SLC17A8: variants seen among roughly 807,000 people sequenced by gnomAD.
SLC17A8 encodes the protein solute carrier family 17 member 8.
SLC17A8 carries 31 observed loss-of-function variants against 58.0 expected under a neutral mutation model. That is an observed-to-expected ratio of 0.53 (90% CI 0.40 to 0.72). The LOEUF (loss-of-function observed/expected upper bound fraction) is 0.72, where lower values mean the gene tolerates loss of function less well. Among genes scored for constraint, SLC17A8 ranks in the 30% least tolerant of loss-of-function variants. The pLI, the probability that SLC17A8 is intolerant of heterozygous loss-of-function variation, is 0.00. For synonymous variants in SLC17A8, 228 were observed against 249.0 expected (o/e 0.92, Z 0.79); for missense variants, 655 against 727.8 (o/e 0.90, Z 1.15).
At chr12:100,371,732 T>C (rs1335591958) in intron 1 of SLC17A8, among the ~76,000 whole-genome samples, 1 of 152,092 alleles carries the variant, frequency 6.6e-6, no homozygotes, top group East Asian at 1.9e-4. Context: ...GTATTTTTAG[T>C]AGAGATGGGT....
intron 3 of SLC17A8, 125 bp downstream of exon 3, chr12:100,391,244 A>G (rs1952714050): frequency 1.4e-6 from 1 of 725,846 alleles, no homozygotes. Flanking sequence ...GGATAGATGC[A>G]ATTCACAGAT....
At chr12:100,381,568 C>CAGAG (rs112159680) in intron 2 of SLC17A8, among the ~76,000 whole-genome samples, 5,355 of 148,386 alleles carry the variant, frequency 0.036, 238 homozygotes, top group African/African-American at 0.1. Context: ...AAGAAAGAGA[C>CAGAG]AGAGAGAGAG....
chr12:100,401,925 G>A, intron 6 of SLC17A8, 62 bp downstream of exon 6: 2 of 1,329,190 alleles, frequency 1.5e-6, no homozygotes, highest in Non-Finnish European at 2.2e-6. Flanking sequence ...TACTGCATAT[G>A]GGTTTGGCTC....
At chr12:100,404,243 TAAG>T (rs2136007396) in intron 9 of SLC17A8, 73 bp downstream of exon 9, 1 of 1,586,002 alleles carries the variant, frequency 6.3e-7, no homozygotes, top group Non-Finnish European at 8.6e-7. Flanking sequence ...GAGCATATAT[TAAG>T]AAGTGACATT....
At chr12:100,397,011 T>C (rs1260307755) in intron 5 of SLC17A8, among the ~76,000 whole-genome samples, 1 of 152,160 alleles carries the variant, frequency 6.6e-6, no homozygotes, top group Non-Finnish European at 1.5e-5. Context: ...ACAAAAGCTT[T>C]CCCAAAGCCC....
intron 1 of SLC17A8, among the ~76,000 whole-genome samples, chr12:100,378,213 A>T (rs1459650445): frequency 6.6e-6 from 1 of 152,206 alleles, no homozygotes; most frequent in Non-Finnish European, 1.5e-5. Flanking sequence ...TAAGAGATAA[A>T]ACAGAAGAAT....
At chr12:100,359,308 T>C (rs1952468388) in intron 1 of SLC17A8, among the ~76,000 whole-genome samples, 1 of 152,160 alleles carries the variant, frequency 6.6e-6, no homozygotes, top group Non-Finnish European at 1.5e-5. Context: ...CTTTTTTCAA[T>C]AGGAATTATT....
At chr12:100,375,443 A>G (rs770950134) in intron 1 of SLC17A8, among the ~76,000 whole-genome samples, 3 of 152,198 alleles carry the variant, frequency 2.0e-5, no homozygotes, top group South Asian at 2.1e-4. Flanking sequence ...TGGCCAGTGC[A>G]GAGTCCTAGA....
At chr12:100,408,090 A>G (rs1455184895) in intron 9 of SLC17A8, among the ~76,000 whole-genome samples, 1 of 152,228 alleles carries the variant, frequency 6.6e-6, no homozygotes, top group Non-Finnish European at 1.5e-5. Context: ...ATGATGAAGC[A>G]CTGGTATGAT....
chr12:100,361,377 G>A (rs765945815), intron 1 of SLC17A8, among the ~76,000 whole-genome samples: 5 of 152,166 alleles, frequency 3.3e-5, no homozygotes, highest in Non-Finnish European at 5.9e-5. Flanking sequence ...CCCGGCTTTC[G>A]CCCTGTTTCT....
chr12:100,401,756 C>A, intron 5 of SLC17A8, 21 bp from the exon 6 acceptor site: 2 of 1,596,900 alleles, frequency 1.3e-6, no homozygotes, highest in South Asian at 1.1e-5. Flanking sequence ...GTCAGATTCC[C>A]TCAATCTTTT....
At position 100,366,293 on chromosome 12, in the gene SLC17A8, G is replaced by A. The variant is rs117834168; in HGVS notation, c.101+8801G>A. 3.5e-3 allele frequency among the ~76,000 whole-genome samples: 527 copies of A among 152,160 alleles called. 2 individuals are homozygous for A. Among genetic ancestry groups the A allele is most frequent in the Non-Finnish European group, 6.2e-3 (422 of 67,996 alleles). ...TACAAGTCAAGGAACCACGGAAAGCGTTTTCCAAATGCTAGGTGTCTCTCT... is the reference window on the plus strand; with the variant it reads ...TACAAGTCAAGGAACCACGGAAAGCATTTTCCAAATGCTAGGTGTCTCTCT... On this transcript the variant is annotated intron_variant, in intron 1 of 11. Transcript: ENST00000323346.
intron 1 of SLC17A8, among the ~76,000 whole-genome samples, chr12:100,375,350 CTACCTGT>C (rs754897861): frequency 3.3e-5 from 5 of 152,108 alleles, no homozygotes; most frequent in Non-Finnish European, 7.4e-5. Context: ...ATTCAAACTG[CTACCTGT>C]GTAGGAGAGA....
chr12:100,398,988 T>G (rs983028954), intron 5 of SLC17A8, among the ~76,000 whole-genome samples: 2 of 152,200 alleles, frequency 1.3e-5, no homozygotes, highest in African/African-American at 4.8e-5. Context: ...CGTGGAACTG[T>G]GAGTCCAATT....
intron 1 of SLC17A8, among the ~76,000 whole-genome samples, chr12:100,373,577 CTTTTTTTTTT>C (rs11296057): frequency 1.3e-3 from 113 of 87,634 alleles, no homozygotes; most frequent in African/African-American, 4.5e-3. Context: ...AAATCAGTGA[CTTTTTTTTTT>C]TTTTTTTTTT....
In SLC17A8 at chr12:100,393,419, C is replaced by T. The variant is rs780807776; in HGVS notation, c.524C>T (p.Pro175Leu). 1 of 1,613,838 alleles carries T rather than the reference C, an allele frequency of 6.2e-7. No individual in the cohort carries two copies. The highest frequency in any genetic ancestry group is 8.5e-7 in the Non-Finnish European group (1 of 1,179,836). Reference sequence around the variant, plus strand: ...ACATCGACTCTGAACATGTTTATTCCCTCTGCAGCCAGAGTGCATTACGGA... The same window carrying T: ...ACATCGACTCTGAACATGTTTATTCTCTCTGCAGCCAGAGTGCATTACGGA... ...FLTSTLNMFI[P>L]SAARVHYGCV... is the part of the protein sequence containing the mutation. The change falls in exon 4 of 12, where the codon CCC becomes CTC. Residue 175 changes from proline to leucine, a missense_variant. By Grantham distance (98) the Pro-to-Leu change is moderately conservative. Transcript: ENST00000323346.
chr12:100,416,990 C>T (rs559407806), intron 10 of SLC17A8, among the ~76,000 whole-genome samples: 1 of 152,302 alleles, frequency 6.6e-6, no homozygotes, highest in South Asian at 2.1e-4. Flanking sequence ...GCTGTAACCT[C>T]CAACTCCTGG....
At chr12:100,385,678 C>T (rs1032830303) in intron 2 of SLC17A8, among the ~76,000 whole-genome samples, 1 of 152,192 alleles carries the variant, frequency 6.6e-6, no homozygotes, top group Non-Finnish European at 1.5e-5. Context: ...TGCTAACCCT[C>T]ATTGCCCTTA....
chr12:100,375,227 A>T (rs1952586845), intron 1 of SLC17A8, among the ~76,000 whole-genome samples: 1 of 151,296 alleles, frequency 6.6e-6, no homozygotes, highest in African/African-American at 2.4e-5. Context: ...AGCTCAAGTG[A>T]TCTTCCTGCC....
Sources: allele counts gnomAD v4.1 joint callset (sites outside exome capture counted in the v4.1 genomes callset), GRCh38; gene constraint gnomAD v4.1.1; transcripts MANE v1.5; gene names NCBI Gene and HGNC (gene_info 2026-07-23, HGNC 2026-07-21).